The following ZNF385B variants were observed in gnomAD, a reference collection of about 807,000 sequenced individuals.
ZNF385B encodes zinc finger protein 533.
ZNF385B carries 23 observed loss-of-function variants against 39.2 expected under a neutral mutation model. The ratio of observed to expected loss-of-function variants is 0.59; its 90% CI spans 0.42 to 0.83. The LOEUF (loss-of-function observed/expected upper bound fraction) is 0.83, where lower values mean the gene tolerates loss of function less well. ZNF385B is among the 40% of genes least tolerant of loss of function. ZNF385B has a pLI of 0.00. For synonymous variants in ZNF385B, 205 were observed against 222.6 expected (o/e 0.92, Z 0.70); for missense variants, 552 against 598.9 (o/e 0.92, Z 0.82).
At chr2:179,457,341 T>G (rs796513396) in intron 6 of ZNF385B, among the ~76,000 whole-genome samples, 2 of 152,288 alleles carry the variant, frequency 1.3e-5, no homozygotes, top group African/African-American at 4.8e-5. Context: ...CTATGTACAT[T>G]CTTTTAAGTG....
At chr2:179,700,159 C>A (rs529537259) in intron 3 of ZNF385B, among the ~76,000 whole-genome samples, 1 of 152,012 alleles carries the variant, frequency 6.6e-6, no homozygotes, top group Non-Finnish European at 1.5e-5. Flanking sequence ...AAATGACTTT[C>A]CCTGAATGGA....
chr2:179,669,850 A>C (rs1349998168), intron 3 of ZNF385B, among the ~76,000 whole-genome samples: 2 of 152,212 alleles, frequency 1.3e-5, no homozygotes, highest in African/African-American at 4.8e-5. Context: ...CTCACAAGTT[A>C]AACCCTCTAT....
intron 1 of ZNF385B, among the ~76,000 whole-genome samples, chr2:179,819,034 T>TACACACACACACAC (rs10556902): frequency 1.6e-4 from 24 of 148,200 alleles, no homozygotes; most frequent in Non-Finnish European, 3.3e-4. Context: ...TGTTTATAAA[T>TACACACACACACAC]ACACACACAC....
chr2:179,629,678 G>A (rs1691011110), intron 3 of ZNF385B, among the ~76,000 whole-genome samples: 1 of 152,220 alleles, frequency 6.6e-6, no homozygotes, highest in African/African-American at 2.4e-5. Context: ...GACAGTGGGT[G>A]CAGCCCATGG....
At chr2:179,755,248 G>A (rs1702936650) in intron 3 of ZNF385B, among the ~76,000 whole-genome samples, 1 of 152,206 alleles carries the variant, frequency 6.6e-6, no homozygotes, top group African/African-American at 2.4e-5. Context: ...AGTTTTGAGT[G>A]AGTTTCTTAA....
intron 5 of ZNF385B, among the ~76,000 whole-genome samples, chr2:179,510,377 G>A (rs1419594780): frequency 6.6e-6 from 1 of 152,038 alleles, no homozygotes; most frequent in Non-Finnish European, 1.5e-5. Flanking sequence ...ATGTGTGTAT[G>A]TGTGTGTACA....
intron 5 of ZNF385B, among the ~76,000 whole-genome samples, chr2:179,515,874 A>G (rs956871788): frequency 6.6e-6 from 1 of 152,166 alleles, no homozygotes; most frequent in African/African-American, 2.4e-5. Flanking sequence ...ATAAAGTTAT[A>G]AAATATTTTC....
chr2:179,712,322 C>G (rs1700057957), intron 3 of ZNF385B, among the ~76,000 whole-genome samples: 1 of 152,158 alleles, frequency 6.6e-6, no homozygotes, highest in Admixed American at 6.5e-5. Flanking sequence ...CAACTTCAAA[C>G]CATTTCCACT....
At position 179,487,710 on chromosome 2, in the gene ZNF385B, T is replaced by C. The variant is rs539312378; in HGVS notation, c.553-4276A>G. Among the ~76,000 whole-genome samples the C allele has an allele frequency of 4.6e-5, 7 of 152,348 alleles. 1 individual carries two copies. In the South Asian group the frequency reaches 1.4e-3, roughly 32 times the overall value. On this transcript the variant is annotated intron_variant, in intron 5 of 9. Coordinates refer to ENST00000410066, the MANE Select transcript of ZNF385B (RefSeq NM_152520.6). ...AGTAATTAGCAGACACATGCTTGTC[T>C]AGCAGTAATGGCTTGCATTCTGCTT...
At chr2:179,544,697 A>G in intron 4 of ZNF385B, 130 bp downstream of exon 4, 17 of 1,135,472 alleles carry the variant, frequency 1.5e-5, no homozygotes, top group Non-Finnish European at 2.1e-5. Flanking sequence ...TCATAGCACA[A>G]CTGAGCAGCA....
intron 3 of ZNF385B, among the ~76,000 whole-genome samples, chr2:179,701,193 T>C (rs1240845289): frequency 6.6e-6 from 1 of 152,202 alleles, no homozygotes; most frequent in Non-Finnish European, 1.5e-5. Context: ...ATATGAAGGT[T>C]AGACATCCTC....
chr2:179,606,524 G>A (rs992686429), intron 3 of ZNF385B, among the ~76,000 whole-genome samples: 2 of 151,884 alleles, frequency 1.3e-5, no homozygotes, highest in African/African-American at 4.8e-5. Context: ...TTAGGTTGTG[G>A]GTGCTGTGGA....
intron 5 of ZNF385B, among the ~76,000 whole-genome samples, chr2:179,502,138 G>A (rs1049655413): frequency 3.3e-5 from 5 of 152,246 alleles, no homozygotes; most frequent in Non-Finnish European, 5.9e-5. Flanking sequence ...TCCAATTCCT[G>A]TACTTCCACT....
At chr2:179,703,390 C>T (rs776215853) in intron 3 of ZNF385B, among the ~76,000 whole-genome samples, 7 of 152,108 alleles carry the variant, frequency 4.6e-5, no homozygotes, top group African/African-American at 7.3e-5. Flanking sequence ...TCAACATACA[C>T]GCACTTCAAA....
At chr2:179,777,769 G>GTTTTTTTTTTTTTTTTTT (rs71029831) in intron 1 of ZNF385B, among the ~76,000 whole-genome samples, 1 of 143,712 alleles carries the variant, frequency 7.0e-6, no homozygotes. Flanking sequence ...ATATCAAGAG[G>GTTTTTTTTTTTTTTTTTT]TTTTTTTTTT....
At chr2:179,604,904 G>A (rs1558970337) in intron 3 of ZNF385B, among the ~76,000 whole-genome samples, 1 of 152,058 alleles carries the variant, frequency 6.6e-6, no homozygotes. Context: ...GCACAAGAGA[G>A]TAATAAGTGT....
At chr2:179,588,654 T>C (rs1687301484) in intron 3 of ZNF385B, among the ~76,000 whole-genome samples, 1 of 152,124 alleles carries the variant, frequency 6.6e-6, no homozygotes, top group East Asian at 1.9e-4. Flanking sequence ...ACCACAGTGA[T>C]CCTCTGAGCA....
At chr2:179,852,593 C>T (rs909593218) in intron 1 of ZNF385B, among the ~76,000 whole-genome samples, 2 of 152,126 alleles carry the variant, frequency 1.3e-5, no homozygotes, top group Admixed American at 1.3e-4. Context: ...GGAAACTCAT[C>T]GTGGACTAAA....
intron 1 of ZNF385B, among the ~76,000 whole-genome samples, chr2:179,772,698 A>C (rs1704081578): frequency 6.6e-6 from 1 of 152,202 alleles, no homozygotes; most frequent in Non-Finnish European, 1.5e-5. Flanking sequence ...AGTGAGTTTA[A>C]ATGGAAGAAG....
Sources: allele counts gnomAD v4.1 joint callset (sites outside exome capture counted in the v4.1 genomes callset), GRCh38; gene constraint gnomAD v4.1.1; transcripts MANE v1.5; gene names NCBI Gene and HGNC (gene_info 2026-07-23, HGNC 2026-07-21).